RASIP1: variants seen among roughly 807,000 people sequenced by gnomAD.
RASIP1 encodes Ras interacting protein 1.
In RASIP1, 20 loss-of-function variants were observed where a neutral mutation model predicts 85.3. The ratio of observed to expected loss-of-function variants is 0.23; its 90% CI spans 0.17 to 0.34. RASIP1 has a LOEUF of 0.34. RASIP1 is among the 10% of genes least tolerant of loss of function. RASIP1 has a pLI of 1.00. For missense variants in RASIP1, 1,170 were observed against 1,390.9 expected (o/e 0.84, Z 2.53); for synonymous variants, 617 against 647.1 (o/e 0.95, Z 0.71).
intron 4 of RASIP1, among the ~76,000 whole-genome samples, chr19:48,730,507 G>C (rs1039227906): frequency 6.6e-6 from 1 of 151,958 alleles, no homozygotes; most frequent in Non-Finnish European, 1.5e-5. Context: ...TTTCCCTCAA[G>C]CATTAGATGC....
At position 48,739,145 on chromosome 19, in the gene RASIP1, G is replaced by A; in HGVS notation, c.638C>T (p.Ala213Val). The stretch of plus-strand genomic sequence containing the variant: ...CCACTCGCCGCTTCCCACGCCCGCC[G>A]CCGCGGGCCGGCCCAGAGCGTCGCA... ...ALCDALGRPA[A>V]AGVGSGEWRA... is the part of the protein sequence containing the mutation. Residue 213 changes from alanine (A) to valine (V), a missense_variant, in exon 3 of 12, where the codon GCG becomes GTG. Coordinates refer to ENST00000222145, the MANE Select transcript of RASIP1 (RefSeq NM_017805.3). The surrounding 1 kb of genome is among the most constrained non-coding windows in gnomAD (Gnocchi z 9.2). 2 of 1,365,716 alleles carry A rather than the reference G, an allele frequency of 1.5e-6. No individual in the cohort carries two copies. Among genetic ancestry groups the A allele is most frequent in the Non-Finnish European group, 1.9e-6 (2 of 1,065,530 alleles). 84.6% of individuals were successfully genotyped at this position (1,365,716 alleles called of 1,614,324 possible).
rs1000228340 is a variant in RASIP1 at position 48,724,400 on chromosome 19, C to T, written c.2481G>A (p.Glu827=). The T allele has an allele frequency of 3.7e-6, 6 of 1,614,190 alleles. No individual in the cohort carries two copies. The highest frequency in any genetic ancestry group is 2.2e-5 in the East Asian group (1 of 44,876). Residue 827 remains glutamate, a synonymous_variant, in exon 10 of 12, where the codon GAG becomes GAA. Coordinates refer to ENST00000222145, the MANE Select transcript of RASIP1 (RefSeq NM_017805.3). This position sits in a 1 kb window ranked among gnomAD's most constrained non-coding sequence, Gnocchi z 4.6. ...CAGCCATGGAGAGTTTCCGGAAGAACTCAGTGGCAATGTCGCCCAGCCCAG... is the reference window on the plus strand; with the variant it reads ...CAGCCATGGAGAGTTTCCGGAAGAATTCAGTGGCAATGTCGCCCAGCCCAG... ...QGAGLGDIAT[E]FFRKLSMAVN...
Position 48,720,811 on chromosome 19 carries a change from G to C in RASIP1, c.2879C>G (p.Ala960Gly), listed in dbSNP as rs762069060. The C allele has an allele frequency of 9.3e-6, 15 of 1,613,946 alleles. No homozygotes were observed. The highest frequency in any genetic ancestry group is 1.1e-5 in the Non-Finnish European group (13 of 1,180,018). ...PANYRHGPPV[A>G]TSP The stretch of plus-strand genomic sequence containing the variant: ...TGGTATTGGTTCTCAAGGAGACGTG[G>C]CCACGGGAGGCCCATGGCGATAATT... The change falls in exon 12 of 12, where the codon GCC becomes GGC. Residue 960 changes from alanine to glycine, a missense_variant. By Grantham distance (60) the Ala-to-Gly change is moderately conservative. Around this residue, in one of 4 missense-constraint regions of RASIP1, gnomAD observed 144 missense variants for 125.5 expected, o/e 1.15. Coordinates refer to ENST00000222145, the MANE Select transcript of RASIP1 (RefSeq NM_017805.3).
intron 10 of RASIP1, 115 bp from the exon 11 acceptor site, chr19:48,722,116 G>A (rs777375767): frequency 9.5e-6 from 10 of 1,050,638 alleles, no homozygotes; most frequent in Admixed American, 3.3e-5. Context: ...CATCTCTGCA[G>A]TGTCTTCTGG....
intron 6 of RASIP1, 27 bp downstream of exon 6, chr19:48,727,366 G>A: frequency 6.2e-7 from 1 of 1,611,954 alleles, no homozygotes; most frequent in Middle Eastern, 1.7e-4. Flanking sequence ...CATCCCTCCA[G>A]ACCACTCTGC....
intron 5 of RASIP1, among the ~76,000 whole-genome samples, chr19:48,728,628 C>T (rs988299781): frequency 1.3e-4 from 20 of 152,058 alleles, no homozygotes; most frequent in Admixed American, 2.0e-4. Context: ...GCCGGGCGTG[C>T]TGGCAGGCGC....
chr19:48,733,000 C>A (rs534493800), intron 4 of RASIP1, among the ~76,000 whole-genome samples: 2 of 152,300 alleles, frequency 1.3e-5, no homozygotes, highest in South Asian at 2.1e-4. Context: ...TTGGCCACAC[C>A]ATAAGGATAA....
intron 10 of RASIP1, among the ~76,000 whole-genome samples, chr19:48,723,143 C>T (rs866502815): frequency 2.6e-5 from 4 of 152,172 alleles, no homozygotes; most frequent in Non-Finnish European, 4.4e-5. Flanking sequence ...ACCTCGGCCT[C>T]CCAAAATGCT....
chr19:48,721,098 CTA>C, intron 11 of RASIP1, 101 bp from the exon 12 acceptor site: 1 of 1,046,512 alleles, frequency 9.6e-7, no homozygotes, highest in African/African-American at 1.6e-5. Flanking sequence ...AAGAAAAAAA[CTA>C]CAAACCCCAG....
At chr19:48,734,621 G>C (rs1393327814) in intron 4 of RASIP1, among the ~76,000 whole-genome samples, 5 of 151,930 alleles carry the variant, frequency 3.3e-5, no homozygotes, top group Admixed American at 3.3e-4. Context: ...CTGAGTAGCT[G>C]GGATTACAGG....
In RASIP1 at chr19:48,739,952, C is replaced by T. The variant is rs567294083; in HGVS notation, c.137+194G>A. Among the ~76,000 whole-genome samples the T allele has an allele frequency of 3.3e-5, 5 of 152,192 alleles. No homozygotes were observed. The highest frequency in any genetic ancestry group is 6.5e-5 in the Admixed American group (1 of 15,282). ...GTCCCCGTGCCCATCCGGCCTCACT[C>T]CACCTCCTAGCCTAGCTCTTACTCC... is the stretch of plus-strand genomic sequence containing the variant. On this transcript the variant is annotated intron_variant, in intron 2 of 11. Coordinates refer to ENST00000222145, the MANE Select transcript of RASIP1 (RefSeq NM_017805.3). The surrounding 1 kb of genome is among the most constrained non-coding windows in gnomAD (Gnocchi z 9.2).
chr19:48,733,514 G>C lies in RASIP1; in HGVS notation c.1179+1682C>G, dbSNP rs988453822. ...TGTAAAGCATCACCTTCTAAAAATG[G>C]GTCAGTGCTGGCCGGGAGCGGTGGC... On this transcript the variant is annotated intron_variant, in intron 4 of 11. Coordinates refer to ENST00000222145, the MANE Select transcript of RASIP1 (RefSeq NM_017805.3). 2.6e-5 allele frequency among the ~76,000 whole-genome samples: 4 copies of C among 152,218 alleles called. No homozygotes were observed. The South Asian group carries it at 8.3e-4, about 32-fold the overall frequency.
chr19:48,739,011 C>G lies in RASIP1; in HGVS notation c.772G>C (p.Glu258Gln). The G allele has an allele frequency of 1.6e-6, 2 of 1,245,456 alleles. No homozygotes were observed. Among genetic ancestry groups the G allele is most frequent in the Non-Finnish European group, 2.0e-6 (2 of 998,616 alleles). 77.2% of individuals were successfully genotyped at this position (1,245,456 alleles called of 1,614,324 possible). Residue 258 changes from glutamate (E) to glutamine (Q), a missense_variant, in exon 3 of 12, where the codon GAG becomes CAG. Glu to Gln is a conservative substitution (Grantham distance 29, BLOSUM62 2). Coordinates refer to ENST00000222145, the MANE Select transcript of RASIP1 (RefSeq NM_017805.3). This position sits in a 1 kb window ranked among gnomAD's most constrained non-coding sequence, Gnocchi z 9.2. ...WARRFELRGR[E>Q]EARRLEQEAF... ...TCCTGCTCCAGGCGCCGCGCCTCCT[C>G]GCGGCCGCGCAACTCGAAGCGCCGC... is the stretch of plus-strand genomic sequence containing the variant.
At chr19:48,721,667 G>A (rs2033248138) in intron 11 of RASIP1, among the ~76,000 whole-genome samples, 187 bp downstream of exon 11, 1 of 152,228 alleles carries the variant, frequency 6.6e-6, no homozygotes, top group African/African-American at 2.4e-5. Flanking sequence ...GCCAGGCGTG[G>A]TGGCGCATGC....
chr19:48,738,947 G>T lies in RASIP1; in HGVS notation c.823+13C>A. ...CACCGAGTCCCCGCCCCAGAGCCCC[G>T]CCCGCCGCTCACCTTCGCTGTCCGC... On this transcript the variant is annotated intron_variant, in intron 3 of 11. Coordinates refer to ENST00000222145, the MANE Select transcript of RASIP1 (RefSeq NM_017805.3). This position sits in a 1 kb window ranked among gnomAD's most constrained non-coding sequence, Gnocchi z 4.0. The T allele has an allele frequency of 1.1e-6, 1 of 902,066 alleles. No individual in the cohort carries two copies. 55.9% of individuals were successfully genotyped at this position (902,066 alleles called of 1,614,324 possible).
intron 3 of RASIP1, among the ~76,000 whole-genome samples, chr19:48,735,808 T>TA (rs1179012150): frequency 1.3e-5 from 2 of 150,056 alleles, no homozygotes; most frequent in African/African-American, 4.9e-5. Context: ...TTTTTTTTTT[T>TA]ATTTCAATAC....
At chr19:48,729,694 T>G (rs1309328922) in intron 4 of RASIP1, 104 bp from the exon 5 acceptor site, 4 of 1,264,130 alleles carry the variant, frequency 3.2e-6, no homozygotes, top group Non-Finnish European at 4.4e-6. Context: ...ACCAACTTTT[T>G]TTTTCCTTCT....
intron 4 of RASIP1, among the ~76,000 whole-genome samples, chr19:48,730,694 T>C (rs2033439905): frequency 6.6e-6 from 1 of 152,084 alleles, no homozygotes; most frequent in Admixed American, 6.6e-5. Flanking sequence ...TAATAGTTTT[T>C]CTCAATATTC....
rs1248758057 is a variant in RASIP1, at chr19:48,729,339, C to G, written c.1431G>C (p.Leu477=). The change falls in exon 5 of 12, where the codon CTG becomes CTC. Residue 477 remains leucine, a synonymous_variant. Coordinates refer to ENST00000222145, the MANE Select transcript of RASIP1 (RefSeq NM_017805.3). The part of the protein sequence containing the change: ...REAELHPGDL[L]GLGEHFLFMY... ...TGAACAGGAAGTGCTCGCCCAGCCC[C>G]AGGAGGTCGCCCGGGTGCAGCTCAG... The G allele has an allele frequency of 4.5e-6, 7 of 1,560,480 alleles. No homozygotes were observed. The highest frequency in any genetic ancestry group is 6.1e-6 in the Non-Finnish European group (7 of 1,152,984).
Sources: gnomAD v4.1 joint callset for allele counts (sites outside exome capture counted in the v4.1 genomes callset) on GRCh38, gnomAD v4.1.1 for gene constraint, gnomAD v4.1.1 regional missense constraint, Gnocchi (gnomAD v3.1) non-coding constraint, MANE v1.5 for transcripts, NCBI Gene and HGNC (gene_info 2026-07-23, HGNC 2026-07-21) for gene names.